The following LRRFIP2 variants were observed in gnomAD, a reference collection of about 807,000 sequenced individuals.
The protein encoded by LRRFIP2 is leucine-rich repeat flightless-interacting protein 2.
Under a neutral mutation model 125.9 loss-of-function variants are expected in LRRFIP2, and 109 were observed. The ratio of observed to expected loss-of-function variants is 0.87; its 90% CI spans 0.74 to 1.01. The LOEUF (loss-of-function observed/expected upper bound fraction) is 1.01, where lower values mean the gene tolerates loss of function less well. Among genes scored for constraint, LRRFIP2 ranks in the 50% least tolerant of loss-of-function variants. LRRFIP2 has a pLI of 0.00. For missense variants in LRRFIP2, 850 were observed against 862.3 expected, an observed-to-expected ratio of 0.99 and a Z score of 0.18; for synonymous variants, 291 against 293.1, an observed-to-expected ratio of 0.99 and a Z score of 0.07.
At chr3:37,088,582 C>T (rs992917550) in intron 18 of LRRFIP2, among the ~76,000 whole-genome samples, 1 of 149,968 alleles carries the variant, frequency 6.7e-6, no homozygotes, top group African/African-American at 2.5e-5. Context: ...AGAGGCCAAG[C>T]GGGAGAACTG....
Position 37,148,187 on chromosome 3 carries a change from T to C in LRRFIP2, c.90+707A>G, listed in dbSNP as rs569835886. 3.3e-5 allele frequency among the ~76,000 whole-genome samples: 5 copies of C among 152,204 alleles called. 1 individual carries two copies. The South Asian group carries it at 1.0e-3, about 32-fold the overall frequency. The stretch of plus-strand genomic sequence containing the variant: ...AAGATTAATTATAAACTTCAATACA[T>C]TATAACAAGTACATGGAACTCAAGT... On this transcript the variant is annotated intron_variant, in intron 2 of 27. Transcript: ENST00000336686.
intron 13 of LRRFIP2, among the ~76,000 whole-genome samples, chr3:37,106,624 A>G (rs576237288): frequency 6.6e-6 from 1 of 152,254 alleles, no homozygotes; most frequent in East Asian, 1.9e-4. Flanking sequence ...CAGGGGCCAC[A>G]TAGAAAGCTA....
intron 2 of LRRFIP2, among the ~76,000 whole-genome samples, chr3:37,129,664 C>T (rs1465291029): frequency 6.6e-6 from 1 of 152,152 alleles, no homozygotes; most frequent in Non-Finnish European, 1.5e-5. Flanking sequence ...AAAATTGAGA[C>T]AGAATTCACA....
intron 1 of LRRFIP2, among the ~76,000 whole-genome samples, chr3:37,160,801 T>C (rs1334810068): frequency 6.9e-6 from 1 of 145,130 alleles, no homozygotes; most frequent in African/African-American, 2.5e-5. Context: ...GAAAAAAAAA[T>C]TCAGAGAATA....
At position 37,096,111 on chromosome 3, in the gene LRRFIP2, T is replaced by C. The variant is rs73824635; in HGVS notation, c.918+505A>G. ...TTTGTGGCTCGCATTACATTTCTAC[T>C]GGACAGAGTTAATTTATCTTTCTTG... On this transcript the variant is annotated intron_variant, in intron 16 of 27. Coordinates refer to ENST00000336686, the MANE Select transcript of LRRFIP2 (RefSeq NM_006309.4). Among the ~76,000 whole-genome samples, 1,236 of 152,340 alleles carry C rather than the reference T, an allele frequency of 8.1e-3. 12 individuals are homozygous for C. The highest frequency in any genetic ancestry group is 0.027 in the African/African-American group (1,126 of 41,572).
chr3:37,120,705 T>C (rs1230950783), intron 6 of LRRFIP2, among the ~76,000 whole-genome samples: 2 of 152,076 alleles, frequency 1.3e-5, no homozygotes. Context: ...AAAGATCATT[T>C]TACTGATTAA....
intron 1 of LRRFIP2, among the ~76,000 whole-genome samples, chr3:37,161,714 G>A (rs557572092): frequency 2.0e-5 from 3 of 149,488 alleles, no homozygotes; most frequent in East Asian, 2.0e-4. Context: ...TATGACACAC[G>A]AGTAGTACCT....
rs149888553 is a variant in LRRFIP2 at position 37,118,353 on chromosome 3, G to A, written c.330+3139C>T. Among the ~76,000 whole-genome samples the A allele has an allele frequency of 4.2e-3, 645 of 152,258 alleles. 4 individuals carry two copies. Among genetic ancestry groups the A allele is most frequent in the African/African-American group, 0.015 (610 of 41,542 alleles). On this transcript the variant is annotated intron_variant, in intron 6 of 27. Coordinates refer to ENST00000336686, the MANE Select transcript of LRRFIP2 (RefSeq NM_006309.4). Reference sequence around the variant, plus strand: ...GCTGGGATGAAAGGCGTGAGCCACCGTGCCTGGCCAAGATCACTTCATTTT... The same window carrying A: ...GCTGGGATGAAAGGCGTGAGCCACCATGCCTGGCCAAGATCACTTCATTTT...
intron 15 of LRRFIP2, among the ~76,000 whole-genome samples, chr3:37,098,075 C>T (rs1446316114): frequency 6.7e-6 from 1 of 148,920 alleles, no homozygotes; most frequent in African/African-American, 2.4e-5. Flanking sequence ...TTTTAGTGTT[C>T]TTTTTATTAC....
chr3:37,131,058 T>C (rs775774475), intron 2 of LRRFIP2, among the ~76,000 whole-genome samples: 20 of 152,126 alleles, frequency 1.3e-4, no homozygotes, highest in Non-Finnish European at 2.6e-4. Flanking sequence ...AAAACATGAA[T>C]AGAAATGTGT....
chr3:37,100,738 T>C (rs1011073216), intron 15 of LRRFIP2, among the ~76,000 whole-genome samples: 2 of 152,172 alleles, frequency 1.3e-5, no homozygotes, highest in African/African-American at 4.8e-5. Context: ...AGAACAGATG[T>C]AAACAGTAAG....
intron 16 of LRRFIP2, among the ~76,000 whole-genome samples, 164 bp downstream of exon 16, chr3:37,096,452 A>G (rs2093722850): frequency 6.6e-6 from 1 of 152,198 alleles, no homozygotes; most frequent in Admixed American, 6.5e-5. Flanking sequence ...AGGGCCTCAC[A>G]TGATTTAACT....
chr3:37,163,969 ATT>A (rs1230854108), intron 1 of LRRFIP2, among the ~76,000 whole-genome samples: 1 of 152,160 alleles, frequency 6.6e-6, no homozygotes, highest in Non-Finnish European at 1.5e-5. Flanking sequence ...CTAAAACTGT[ATT>A]TTTGTTTTAT....
chr3:37,131,335 A>G (rs2095423284), intron 2 of LRRFIP2, among the ~76,000 whole-genome samples: 1 of 152,178 alleles, frequency 6.6e-6, no homozygotes, highest in African/African-American at 2.4e-5. Context: ...CCTCTTTCAT[A>G]AAGTAAGGCT....
chr3:37,175,610 G>A (rs919861261), upstream of LRRFIP2, among the ~76,000 whole-genome samples: 3 of 152,144 alleles, frequency 2.0e-5, no homozygotes, highest in Non-Finnish European at 2.9e-5. Flanking sequence ...TGTTAAACCC[G>A]CGCGATCCAG....
chr3:37,124,364 C>T (rs1278801804), intron 4 of LRRFIP2, among the ~76,000 whole-genome samples: 2 of 152,174 alleles, frequency 1.3e-5, no homozygotes, highest in African/African-American at 4.8e-5. Context: ...ATACCAAAAA[C>T]GTTCAAAACA....
chr3:37,070,569 C>T (rs182527586), intron 21 of LRRFIP2, among the ~76,000 whole-genome samples: 450 of 151,684 alleles, frequency 3.0e-3, no homozygotes, highest in Non-Finnish European at 4.8e-3. Flanking sequence ...AACCCCATCT[C>T]TACTAAAAAT....
At chr3:37,111,868 G>C (rs765956531) in intron 8 of LRRFIP2, 3 of 152,414 alleles carry the variant, frequency 2.0e-5, no homozygotes, top group Non-Finnish European at 4.4e-5. Flanking sequence ...AGGGCCTCTC[G>C]TTAATTTCCT....
chr3:37,096,506 G>C, intron 16 of LRRFIP2, 110 bp downstream of exon 16: 2 of 690,556 alleles, frequency 2.9e-6, no homozygotes, highest in Non-Finnish European at 5.0e-6. Context: ...TAGATGAAGG[G>C]AGGAAGAGCA....
Sources: allele counts gnomAD v4.1 joint callset (sites outside exome capture counted in the v4.1 genomes callset), GRCh38; gene constraint gnomAD v4.1.1; transcripts MANE v1.5; gene names NCBI Gene and HGNC (gene_info 2026-07-23, HGNC 2026-07-21).